CLCN3: variants seen among roughly 807,000 people sequenced by gnomAD.
The protein encoded by CLCN3 is Cl-/H+ antiporter 3, also known as H(+)/Cl(-) exchange transporter 3.
CLCN3 carries 16 observed loss-of-function variants against 83.4 expected under a neutral mutation model. That is an observed-to-expected ratio of 0.19 (90% CI 0.13 to 0.29). The LOEUF is 0.29. Among genes scored for constraint, CLCN3 ranks in the 10% least tolerant of loss-of-function variants. The pLI is 1.00. For missense variants in CLCN3, 544 were observed against 1,006.0 expected (o/e 0.54, Z 6.21); for synonymous variants, 322 against 346.2 (o/e 0.93, Z 0.78).
In CLCN3 at chr4:169,713,239, C is replaced by T. The variant is rs1058868; in HGVS notation, c.2310C>T (p.Ile770=). 195,359 of 1,613,668 alleles carry T rather than the reference C, an allele frequency of 0.12. 12,231 individuals are homozygous for T. The highest frequency in any genetic ancestry group is 0.15 in the East Asian group (6,826 of 44,866). Reference sequence around the variant, plus strand: ...TGACAGACCACACCCCAATGGAGATCGTGGTGGATATTTTCCGAAAGCTGG... The same window carrying T: ...TGACAGACCACACCCCAATGGAGATTGTGGTGGATATTTTCCGAAAGCTGG... ...FTVTDHTPME[I]VVDIFRKLGL... The change falls in exon 12 of 13, where the codon ATC becomes ATT. Residue 770 remains isoleucine (I), a synonymous_variant. Coordinates refer to ENST00000513761, the MANE Select transcript of CLCN3 (RefSeq NM_001829.4).
At chr4:169,651,808 T>C (rs1462297144) in intron 2 of CLCN3, among the ~76,000 whole-genome samples, 3 of 152,104 alleles carry the variant, frequency 2.0e-5, no homozygotes, top group African/African-American at 7.2e-5. Flanking sequence ...AAATAATAAG[T>C]CTATGGACCT....
At chr4:169,693,605 G>T (rs1222940316) in intron 7 of CLCN3, among the ~76,000 whole-genome samples, 1 of 152,122 alleles carries the variant, frequency 6.6e-6, no homozygotes, top group Non-Finnish European at 1.5e-5. Flanking sequence ...GACTATGTGG[G>T]TATATATTTG....
chr4:169,715,192 C>T (rs1051961015), intron 12 of CLCN3, among the ~76,000 whole-genome samples: 4 of 151,832 alleles, frequency 2.6e-5, no homozygotes, highest in African/African-American at 9.7e-5. Context: ...TGATTAATTC[C>T]CAGGTATTTG....
Position 169,713,108 on chromosome 4 carries a change from G to T in CLCN3, c.2179G>T (p.Val727Phe). Reference sequence around the variant, plus strand: ...TGCCAGGAAAAAACAAGAAGGTATCGTTGGCAGTTCTCGGGTGTGTTTTGC... The same window carrying T: ...TGCCAGGAAAAAACAAGAAGGTATCTTTGGCAGTTCTCGGGTGTGTTTTGC... ...ESARKKQEGI[V>F]GSSRVCFAQH... Residue 727 changes from valine (V) to phenylalanine (F), a missense_variant, in exon 12 of 13, where the codon GTT becomes TTT. This residue lies in a region of CLCN3 where 142 missense variants were observed against 225.0 expected (regional missense o/e 0.63). Coordinates refer to ENST00000513761, the MANE Select transcript of CLCN3 (RefSeq NM_001829.4). 2 of 1,614,064 alleles carry T rather than the reference G, an allele frequency of 1.2e-6. No individual in the cohort carries two copies. Among genetic ancestry groups the T allele is most frequent in the Non-Finnish European group, 1.7e-6 (2 of 1,179,976 alleles).
chr4:169,703,823 T>G (rs1217918328), intron 9 of CLCN3, among the ~76,000 whole-genome samples, 175 bp from the exon 10 acceptor site: 1 of 152,218 alleles, frequency 6.6e-6, no homozygotes, highest in Non-Finnish European at 1.5e-5. Context: ...TGTAACTGAA[T>G]TCATGGGATT....
chr4:169,711,283 T>C (rs1031101975), intron 11 of CLCN3, among the ~76,000 whole-genome samples: 2 of 152,254 alleles, frequency 1.3e-5, no homozygotes, highest in Admixed American at 6.5e-5. Context: ...TAGATTGTTA[T>C]GAGCTAAAAG....
chr4:169,666,063 A>G (rs1731233763), intron 2 of CLCN3, among the ~76,000 whole-genome samples: 1 of 152,038 alleles, frequency 6.6e-6, no homozygotes, highest in South Asian at 2.1e-4. Context: ...GGGAAAGCAG[A>G]CAATTTTATT....
intron 2 of CLCN3, among the ~76,000 whole-genome samples, chr4:169,659,433 A>G (rs930305817): frequency 1.3e-5 from 2 of 152,206 alleles, no homozygotes; most frequent in African/African-American, 2.4e-5. Flanking sequence ...GCTAAAAGTT[A>G]AAAACACAAA....
At chr4:169,683,232 T>C (rs1323192765) in intron 3 of CLCN3, among the ~76,000 whole-genome samples, 2 of 152,186 alleles carry the variant, frequency 1.3e-5, no homozygotes, top group African/African-American at 4.8e-5. Flanking sequence ...TCATAGTGGC[T>C]CATGCCTGTA....
intron 2 of CLCN3, among the ~76,000 whole-genome samples, chr4:169,636,376 A>G (rs577817697): frequency 3.3e-5 from 5 of 152,284 alleles, no homozygotes; most frequent in South Asian, 4.1e-4. Flanking sequence ...GAGGTGTGCA[A>G]TCATCACATC....
chr4:169,681,371 G>A (rs1731931062), intron 3 of CLCN3, among the ~76,000 whole-genome samples: 1 of 152,162 alleles, frequency 6.6e-6, no homozygotes, highest in Non-Finnish European at 1.5e-5. Context: ...TAATTTTGGT[G>A]TTGGAAATTT....
rs112492462 is a variant in CLCN3, at chr4:169,687,787, T to G, written c.418+30T>G. The G allele has an allele frequency of 1.8e-4, 235 of 1,285,176 alleles. 2 individuals carry two copies. In the African/African-American group the frequency reaches 2.9e-3, roughly 16 times the overall value. 79.6% of individuals were successfully genotyped at this position (1,285,176 alleles called of 1,614,324 possible). A position where few individuals can be genotyped will look rare whatever the true frequency, so the allele number is the denominator to read the frequency against. On this transcript the variant is annotated intron_variant, in intron 4 of 12. Coordinates refer to ENST00000513761, the MANE Select transcript of CLCN3 (RefSeq NM_001829.4). ...AGAAAATTTTTCAAGCAATCCTTTT[T>G]TAGTTAACAGAAGTATAAACTGTTC...
At position 169,690,793 on chromosome 4, in the gene CLCN3, C is replaced by T. The variant is rs946744801; in HGVS notation, c.729+141C>T. On this transcript the variant is annotated intron_variant, in intron 6 of 12. Coordinates refer to ENST00000513761, the MANE Select transcript of CLCN3 (RefSeq NM_001829.4). ...AAAAAAAAATTTTTTTAAGTATAAG[C>T]TGATGGTAGACATCATTGAAAAATA... 8.0e-6 allele frequency: 5 copies of T among 628,102 alleles called. No individual in the cohort carries two copies. The African/African-American group carries it at 9.3e-5, about 12-fold the overall frequency. The allele number at this position is 628,102 out of a possible 1,614,324, so 38.9% of individuals were successfully genotyped here.
At position 169,697,577 on chromosome 4, in the gene CLCN3, C is replaced by T; in HGVS notation, c.1406C>T (p.Ser469Phe). ...LFTDCGPLES[S>F]SLCDYRNDMN... ...ACAGACTGTGGTCCCCTGGAATCCTCTTCTCTTTGTGACTACAGAAATGAC... is the reference window on the plus strand; with the variant it reads ...ACAGACTGTGGTCCCCTGGAATCCTTTTCTCTTTGTGACTACAGAAATGAC... The change falls in exon 9 of 13, where the codon TCT becomes TTT. Residue 469 changes from serine to phenylalanine, a missense_variant. Physicochemically the swap from Ser to Phe is radical, Grantham distance 155 (BLOSUM62 -2). Around this residue, in one of 6 missense-constraint regions of CLCN3, gnomAD observed 194 missense variants for 341.4 expected, o/e 0.57. Transcript: ENST00000513761. 1 of 1,614,226 alleles carries T rather than the reference C, an allele frequency of 6.2e-7. No individual in the cohort carries two copies. The highest frequency in any genetic ancestry group is 1.7e-5 in the Admixed American group (1 of 60,024).
At chr4:169,710,375 C>T (rs968054427) in intron 11 of CLCN3, among the ~76,000 whole-genome samples, 37 of 152,178 alleles carry the variant, frequency 2.4e-4, no homozygotes, top group Non-Finnish European at 5.9e-5. Flanking sequence ...CGGTGATCCT[C>T]CCACTTCACT....
At position 169,704,065 on chromosome 4, in the gene CLCN3, C is replaced by T. The variant is rs773704301; in HGVS notation, c.1631C>T (p.Ala544Val). The change falls in exon 10 of 13, where the codon GCG becomes GTG. Residue 544 changes from alanine (A) to valine (V), a missense_variant. Around this residue, in one of 6 missense-constraint regions of CLCN3, gnomAD observed 194 missense variants for 341.4 expected, o/e 0.57. Coordinates refer to ENST00000513761, the MANE Select transcript of CLCN3 (RefSeq NM_001829.4). The part of the protein sequence containing the change: ...GAIAGRIVGI[A>V]VEQLAYYHHD... The stretch of plus-strand genomic sequence containing the variant: ...ATCGCAGGAAGGATTGTGGGGATTG[C>T]GGTGGAGCAGCTTGCCTACTATCAC... The T allele has an allele frequency of 3.1e-6, 5 of 1,613,980 alleles. No individual in the cohort carries two copies. The highest frequency in any genetic ancestry group is 3.3e-5 in the Admixed American group (2 of 59,998).
At chr4:169,672,716 T>C (rs1370050651) in intron 2 of CLCN3, among the ~76,000 whole-genome samples, 2 of 152,140 alleles carry the variant, frequency 1.3e-5, no homozygotes, top group African/African-American at 4.8e-5. Context: ...CAGGCTAGAG[T>C]GCAGTGGTGC....
chr4:169,678,012 G>A (rs568717273), intron 2 of CLCN3, among the ~76,000 whole-genome samples: 1 of 152,148 alleles, frequency 6.6e-6, no homozygotes, highest in African/African-American at 2.4e-5. Flanking sequence ...GAGGGAACCC[G>A]CCTGATGACA....
At chr4:169,624,993 T>C (rs1365429274) in intron 1 of CLCN3, among the ~76,000 whole-genome samples, 1 of 152,126 alleles carries the variant, frequency 6.6e-6, no homozygotes. Flanking sequence ...GGTTTCCCCA[T>C]GTTGGCCAGG....
Sources: allele counts gnomAD v4.1 joint callset (sites outside exome capture counted in the v4.1 genomes callset), GRCh38; gene constraint gnomAD v4.1.1; regional missense constraint gnomAD v4.1.1; transcripts MANE v1.5; gene names NCBI Gene and HGNC (gene_info 2026-07-23, HGNC 2026-07-21).